Variants in EIF5A2 observed in about 807,000 individuals in gnomAD.
EIF5A2 encodes the protein eukaryotic translation initiation factor 5A-2.
A neutral mutation model predicts 16.4 loss-of-function variants in EIF5A2; 15 were observed. That is an observed-to-expected ratio of 0.92 (90% CI 0.61 to 1.41). EIF5A2 has a LOEUF of 1.41. Ranked by LOEUF, EIF5A2 falls within the 40% of genes most tolerant of loss-of-function variation. EIF5A2 has a pLI of 0.00. For missense variants in EIF5A2, 144 were observed against 189.5 expected (o/e 0.76, Z 1.41); for synonymous variants, 48 against 61.1 (o/e 0.79, Z 1.00).
Position 170,893,178 on chromosome 3 carries a change from T to C in EIF5A2, c.*182A>G, listed in dbSNP as rs1001353469. 6 of 484,152 alleles carry C rather than the reference T, an allele frequency of 1.2e-5. No individual in the cohort carries two copies. The highest frequency in any genetic ancestry group is 2.1e-5 in the Non-Finnish European group (6 of 283,844). The allele number at this position is 484,152 out of a possible 1,614,324, so 30.0% of individuals were successfully genotyped here. A position where few individuals can be genotyped will look rare whatever the true frequency, so the allele number is the denominator to read the frequency against. On this transcript the variant is annotated 3_prime_UTR_variant, in exon 5 of 5. Transcript: ENST00000295822. Reference sequence around the variant, plus strand: ...TATCTACAAAATTCAAAAAAAATTATACATATTGATAATTTTTTAAAAATT... The same window carrying C: ...TATCTACAAAATTCAAAAAAAATTACACATATTGATAATTTTTTAAAAATT...
chr3:170,891,352 A>G lies in EIF5A2; in HGVS notation c.*2008T>C, dbSNP rs1469171990. ...TAGAATACTGGAAAGAATGTAGCCTAATTTTAATTGTGCTTTAGATGGGCA... is the reference window on the plus strand; with the variant it reads ...TAGAATACTGGAAAGAATGTAGCCTGATTTTAATTGTGCTTTAGATGGGCA... On this transcript the variant is annotated 3_prime_UTR_variant, in exon 5 of 5. Transcript: ENST00000295822. The G allele has an allele frequency of 6.6e-6, 1 of 152,638 alleles. No individual in the cohort carries two copies. Among genetic ancestry groups the G allele is most frequent in the African/African-American group, 2.4e-5 (1 of 41,464 alleles). The allele number at this position is 152,638 out of a possible 1,614,324, so 9.5% of individuals were successfully genotyped here.
rs370935817 is a variant in EIF5A2 at position 170,907,811 on chromosome 3, G to T, written c.-5C>A. 37 of 1,527,852 alleles carry T rather than the reference G, an allele frequency of 2.4e-5. No homozygotes were observed. Among genetic ancestry groups the T allele is most frequent in the Middle Eastern group, 1.8e-4 (1 of 5,674 alleles). 94.6% of individuals were successfully genotyped at this position (1,527,852 alleles called of 1,614,324 possible). A position where few individuals can be genotyped will look rare whatever the true frequency, so the allele number is the denominator to read the frequency against. ...GAAATCAATTTCGTCTGCCATGGTGGGCAGGGGAGATGGTAGTTTTTCCGT... is the reference window on the plus strand; with the variant it reads ...GAAATCAATTTCGTCTGCCATGGTGTGCAGGGGAGATGGTAGTTTTTCCGT... On this transcript the variant is annotated 5_prime_UTR_variant, in exon 2 of 5. Transcript: ENST00000295822.
Position 170,890,061 on chromosome 3 carries a change from G to A in EIF5A2, c.*3299C>T, listed in dbSNP as rs1712491040. ...TTAGCTTTAAAATAATGAAATTTCA[G>A]CTTTTAGCACAAATAGCCCTGAGAA... On this transcript the variant is annotated 3_prime_UTR_variant, in exon 5 of 5. Coordinates refer to ENST00000295822, the MANE Select transcript of EIF5A2 (RefSeq NM_020390.6). 1 of 152,284 alleles carries A rather than the reference G, an allele frequency of 6.6e-6. No homozygotes were observed. Among genetic ancestry groups the A allele is most frequent in the African/African-American group, 2.4e-5 (1 of 41,368 alleles). The allele number at this position is 152,284 out of a possible 1,614,324, so 9.4% of individuals were successfully genotyped here. A position where few individuals can be genotyped will look rare whatever the true frequency, so the allele number is the denominator to read the frequency against.
At chr3:170,893,504 GT>G (rs1712585170) in intron 4 of EIF5A2, 85 bp from the exon 5 acceptor site, 1 of 1,439,216 alleles carries the variant, frequency 6.9e-7, no homozygotes, top group Admixed American at 1.9e-5. Flanking sequence ...TTGTATATTT[GT>G]GGATATTTTG....
intron 4 of EIF5A2, 33 bp downstream of exon 4, chr3:170,894,259 G>A (rs754507166): frequency 6.2e-7 from 1 of 1,601,500 alleles, no homozygotes; most frequent in South Asian, 1.1e-5. Context: ...TTATAAAATG[G>A]TTTTCAAAAA....
At position 170,889,178 on chromosome 3, in the gene EIF5A2, G is replaced by A. The variant is rs1349778851; in HGVS notation, c.*4182C>T. On this transcript the variant is annotated 3_prime_UTR_variant, in exon 5 of 5. Coordinates refer to ENST00000295822, the MANE Select transcript of EIF5A2 (RefSeq NM_020390.6). ...AAAGCCTGGTATGCATTGCCATAAA[G>A]TGCATCTTTTACATAAGGAAAACAT... 6.8e-6 allele frequency: 1 copy of A among 147,194 alleles called. No homozygotes were observed. The highest frequency in any genetic ancestry group is 2.1e-4 in the East Asian group (1 of 4,842). The allele number at this position is 147,194 out of a possible 1,614,324, so 9.1% of individuals were successfully genotyped here. A position where few individuals can be genotyped will look rare whatever the true frequency, so the allele number is the denominator to read the frequency against.
At chr3:170,897,051 G>A (rs1450045659) in intron 3 of EIF5A2, among the ~76,000 whole-genome samples, 1 of 152,212 alleles carries the variant, frequency 6.6e-6, no homozygotes, top group African/African-American at 2.4e-5. Context: ...ATGAACTTGA[G>A]AGAGATGATT....
In EIF5A2 at chr3:170,892,500, G is replaced by T. The variant is rs1712560381; in HGVS notation, c.*860C>A. ...TAAATATTACTATTTATTCAACATA[G>T]TTGGAAAACAAGCATTGCATAGTAT... On this transcript the variant is annotated 3_prime_UTR_variant, in exon 5 of 5. Coordinates refer to ENST00000295822, the MANE Select transcript of EIF5A2 (RefSeq NM_020390.6). The T allele has an allele frequency of 2.3e-5, 7 of 305,462 alleles. No individual in the cohort carries two copies. The highest frequency in any genetic ancestry group is 5.0e-5 in the East Asian group (1 of 19,846). 18.9% of individuals were successfully genotyped at this position (305,462 alleles called of 1,614,324 possible). A position where few individuals can be genotyped will look rare whatever the true frequency, so the allele number is the denominator to read the frequency against.
intron 3 of EIF5A2, among the ~76,000 whole-genome samples, chr3:170,905,821 G>C (rs919404965): frequency 6.6e-6 from 1 of 152,002 alleles, no homozygotes; most frequent in African/African-American, 2.4e-5. Context: ...GGCTCAGAAA[G>C]GTGTATAACT....
At chr3:170,900,953 A>T (rs1712798187) in intron 3 of EIF5A2, among the ~76,000 whole-genome samples, 1 of 152,250 alleles carries the variant, frequency 6.6e-6, no homozygotes, top group South Asian at 2.1e-4. Flanking sequence ...TCACAAAAGG[A>T]GAAACAATCA....
At chr3:170,896,112 A>G (rs1439955657) in intron 3 of EIF5A2, among the ~76,000 whole-genome samples, 4 of 152,234 alleles carry the variant, frequency 2.6e-5, no homozygotes, top group African/African-American at 9.6e-5. Context: ...ACTGAAACAC[A>G]GAAGCCAAAT....
intron 3 of EIF5A2, among the ~76,000 whole-genome samples, chr3:170,906,770 A>G (rs1712945576): frequency 6.6e-6 from 1 of 152,220 alleles, no homozygotes; most frequent in East Asian, 1.9e-4. Flanking sequence ...CTTTTTAAAA[A>G]ATGCAAGAAT....
In EIF5A2 at chr3:170,893,086, T is replaced by C; in HGVS notation, c.*274A>G. 1 of 443,074 alleles carries C rather than the reference T, an allele frequency of 2.3e-6. No homozygotes were observed. Among genetic ancestry groups the C allele is most frequent in the Non-Finnish European group, 3.9e-6 (1 of 253,468 alleles). 27.4% of individuals were successfully genotyped at this position (443,074 alleles called of 1,614,324 possible). On this transcript the variant is annotated 3_prime_UTR_variant, in exon 5 of 5. Coordinates refer to ENST00000295822, the MANE Select transcript of EIF5A2 (RefSeq NM_020390.6). ...ATGATTTGCTCAGACAAATCACATC[T>C]GCTGAAGCTATCTTGTTTGTTTCTT...
At chr3:170,897,269 T>G (rs1206283982) in intron 3 of EIF5A2, among the ~76,000 whole-genome samples, 2 of 152,176 alleles carry the variant, frequency 1.3e-5, no homozygotes, top group African/African-American at 4.8e-5. Context: ...GGGAAGAAAT[T>G]CAAGCCAGCT....
chr3:170,907,260 C>G (rs1712961422), intron 2 of EIF5A2, among the ~76,000 whole-genome samples, 167 bp from the exon 3 acceptor site: 1 of 152,080 alleles, frequency 6.6e-6, no homozygotes, highest in Non-Finnish European at 1.5e-5. Context: ...AATTAAGAGG[C>G]AGTAAACAAC....
intron 3 of EIF5A2, among the ~76,000 whole-genome samples, chr3:170,901,897 C>G (rs1712825389): frequency 6.6e-6 from 1 of 152,112 alleles, no homozygotes; most frequent in South Asian, 2.1e-4. Flanking sequence ...GTTGCTGGTC[C>G]CTGAATGCTT....
intron 4 of EIF5A2, 143 bp downstream of exon 4, chr3:170,894,149 T>C (rs1325906339): frequency 9.8e-6 from 9 of 920,366 alleles, no homozygotes; most frequent in African/African-American, 1.7e-5. Context: ...AAGGGTTTTA[T>C]GGAAAACCTG....
At chr3:170,902,851 C>T (rs961460225) in intron 3 of EIF5A2, among the ~76,000 whole-genome samples, 19 of 151,842 alleles carry the variant, frequency 1.3e-4, no homozygotes, top group Non-Finnish European at 2.8e-4. Flanking sequence ...GTGATCTGCC[C>T]GCCTTGGCCT....
At chr3:170,907,487 A>G (rs941074226) in intron 2 of EIF5A2, among the ~76,000 whole-genome samples, 155 bp downstream of exon 2, 11 of 152,264 alleles carry the variant, frequency 7.2e-5, no homozygotes, top group Non-Finnish European at 1.2e-4. Flanking sequence ...ACCTTTAAGT[A>G]TTCAACGTAA....
Sources: gnomAD v4.1 joint callset for allele counts (sites outside exome capture counted in the v4.1 genomes callset) on GRCh38, gnomAD v4.1.1 for gene constraint, MANE v1.5 for transcripts, NCBI Gene and HGNC (gene_info 2026-07-23, HGNC 2026-07-21) for gene names.